MAP4K3: variants seen among roughly 807,000 people sequenced by gnomAD.
MAP4K3 encodes the protein mitogen-activated protein kinase kinase kinase kinase 3, also known as MAPK/ERK kinase kinase kinase 3.
MAP4K3 carries 94 observed loss-of-function variants against 143.5 expected under a neutral mutation model. That is an observed-to-expected ratio of 0.65 (90% CI 0.55 to 0.78). The LOEUF (loss-of-function observed/expected upper bound fraction) is 0.78. Among genes scored for constraint, MAP4K3 ranks in the 30% least tolerant of loss-of-function variants. MAP4K3 has a pLI of 0.00. For synonymous variants in MAP4K3, 416 were observed against 347.2 expected, an observed-to-expected ratio of 1.20 and a Z score of -2.20; for missense variants, 1,077 against 1,068.1, an observed-to-expected ratio of 1.01 and a Z score of -0.12.
chr2:39,384,144 G>T (rs1169588589), intron 1 of MAP4K3, among the ~76,000 whole-genome samples: 1 of 151,860 alleles, frequency 6.6e-6, no homozygotes, highest in African/African-American at 2.4e-5. Context: ...TGGCAGAGTT[G>T]AGTAGCTAAG....
At chr2:39,413,047 A>G (rs943166402) in intron 1 of MAP4K3, among the ~76,000 whole-genome samples, 9 of 152,332 alleles carry the variant, frequency 5.9e-5, no homozygotes, top group East Asian at 3.9e-4. Flanking sequence ...TAACGAGGAG[A>G]AACCCAACAA....
At chr2:39,343,334 C>T in intron 4 of MAP4K3, 54 bp downstream of exon 4, 1 of 1,148,102 alleles carries the variant, frequency 8.7e-7, no homozygotes, top group South Asian at 1.3e-5. Flanking sequence ...TAGTAAATAG[C>T]TGTATTTTAA....
At chr2:39,256,457 A>C (rs1308127944) in intron 31 of MAP4K3, among the ~76,000 whole-genome samples, 1 of 152,204 alleles carries the variant, frequency 6.6e-6, no homozygotes, top group African/African-American at 2.4e-5. Flanking sequence ...ATTTAAAAAA[A>C]ATCATTAATG....
chr2:39,388,518 G>A (rs1470668196), intron 1 of MAP4K3, among the ~76,000 whole-genome samples: 1 of 152,094 alleles, frequency 6.6e-6, no homozygotes, highest in Non-Finnish European at 1.5e-5. Context: ...TGGAATCTAG[G>A]GACTTCAGTT....
At chr2:39,409,111 A>T (rs1667170819) in intron 1 of MAP4K3, among the ~76,000 whole-genome samples, 1 of 152,184 alleles carries the variant, frequency 6.6e-6, no homozygotes, top group Non-Finnish European at 1.5e-5. Context: ...CCTACTCAAC[A>T]TGAAGACAAG....
At chr2:39,295,463 T>TA (rs1013135917) in intron 16 of MAP4K3, among the ~76,000 whole-genome samples, 3 of 152,152 alleles carry the variant, frequency 2.0e-5, no homozygotes, top group African/African-American at 7.2e-5. Context: ...TTAAACACTG[T>TA]AAAAAAATCA....
At chr2:39,327,618 A>C (rs1324613764) in intron 8 of MAP4K3, among the ~76,000 whole-genome samples, 2 of 152,234 alleles carry the variant, frequency 1.3e-5, no homozygotes, top group African/African-American at 4.8e-5. Context: ...AAGGTCAAGT[A>C]AGTCAGTAAA....
At chr2:39,273,172 T>C (rs1334830831) in intron 24 of MAP4K3, among the ~76,000 whole-genome samples, 1 of 152,164 alleles carries the variant, frequency 6.6e-6, no homozygotes, top group Non-Finnish European at 1.5e-5. Flanking sequence ...AGGAATTTCA[T>C]GGAACACAAT....
chr2:39,341,773 C>A (rs1665146775), intron 4 of MAP4K3, among the ~76,000 whole-genome samples: 1 of 151,838 alleles, frequency 6.6e-6, no homozygotes, highest in Non-Finnish European at 1.5e-5. Flanking sequence ...GAATTTCTAA[C>A]ATAGAAATTA....
intron 17 of MAP4K3, 58 bp from the exon 18 acceptor site, chr2:39,292,884 G>T (rs1260002764): frequency 7.1e-7 from 1 of 1,410,038 alleles, no homozygotes; most frequent in African/African-American, 1.4e-5. Context: ...ACAGTAAGAA[G>T]AAATTTTAGA....
intron 21 of MAP4K3, among the ~76,000 whole-genome samples, chr2:39,286,088 G>A (rs1310568847): frequency 6.6e-6 from 1 of 152,142 alleles, no homozygotes; most frequent in South Asian, 2.1e-4. Flanking sequence ...CAACCTTTTC[G>A]GCATCAGGGA....
intron 2 of MAP4K3, among the ~76,000 whole-genome samples, chr2:39,373,813 G>A (rs966779286): frequency 2.0e-5 from 3 of 152,116 alleles, no homozygotes; most frequent in Admixed American, 6.5e-5. Context: ...CTTGGTGGGG[G>A]GGTAGAAGGG....
chr2:39,347,465 T>C (rs1271907357), intron 3 of MAP4K3, among the ~76,000 whole-genome samples: 3 of 152,176 alleles, frequency 2.0e-5, no homozygotes, highest in Non-Finnish European at 4.4e-5. Flanking sequence ...GTTGAATGAC[T>C]GTTCTGGGGT....
chr2:39,273,304 T>C (rs1479636355), intron 24 of MAP4K3, among the ~76,000 whole-genome samples: 1 of 152,202 alleles, frequency 6.6e-6, no homozygotes, highest in Non-Finnish European at 1.5e-5. Context: ...ATGTAAATTC[T>C]TGGACCTCAC....
chr2:39,301,223 A>G (rs979041179), intron 15 of MAP4K3, among the ~76,000 whole-genome samples: 1 of 152,238 alleles, frequency 6.6e-6, no homozygotes, highest in Admixed American at 6.5e-5. Context: ...TCCATGCATA[A>G]TAAAGTGTTC....
chr2:39,290,725 T>A (rs1464791294), intron 18 of MAP4K3, among the ~76,000 whole-genome samples: 1 of 152,290 alleles, frequency 6.6e-6, no homozygotes, highest in African/African-American at 2.4e-5. Flanking sequence ...ATGTAAATAC[T>A]TACAGTATGT....
rs116479778 is a variant in MAP4K3 at position 39,375,345 on chromosome 2, G to A, written c.154+2721C>T. On this transcript the variant is annotated intron_variant, in intron 2 of 33. Transcript: ENST00000263881. ...CCTCCTCCATACCCCAAATAAAACC[G>A]GAGTCTACTCAGTTCTCTAGAGATA... Among the ~76,000 whole-genome samples, 583 of 152,018 alleles carry A rather than the reference G, an allele frequency of 3.8e-3. 6 individuals are homozygous for A. The highest frequency in any genetic ancestry group is 0.013 in the African/African-American group (558 of 41,424).
At chr2:39,255,615 T>C (rs962388477) in intron 31 of MAP4K3, among the ~76,000 whole-genome samples, 4 of 152,230 alleles carry the variant, frequency 2.6e-5, no homozygotes, top group Admixed American at 1.3e-4. Context: ...AGTTTCAATA[T>C]TGGGTAGAAA....
chr2:39,338,021 CTG>C (rs1307087452), intron 4 of MAP4K3, among the ~76,000 whole-genome samples: 1 of 152,016 alleles, frequency 6.6e-6, no homozygotes, highest in African/African-American at 2.4e-5. Context: ...CCTCAGCCTC[CTG>C]AAGTGCTGGA....
Sources: allele counts gnomAD v4.1 joint callset (sites outside exome capture counted in the v4.1 genomes callset), GRCh38; gene constraint gnomAD v4.1.1; transcripts MANE v1.5; gene names NCBI Gene and HGNC (gene_info 2026-07-23, HGNC 2026-07-21).